The following DHRSX variants were observed in gnomAD, a reference collection of about 807,000 sequenced individuals.
DHRSX encodes the protein polyprenol dehydrogenase.
A neutral mutation model predicts 34.0 loss-of-function variants in DHRSX; 31 were observed. That is an observed-to-expected ratio of 0.91 (90% CI 0.69 to 1.23). DHRSX has a LOEUF of 1.23. DHRSX is among the 50% of genes most tolerant of loss of function. The pLI is 0.00. For missense variants in DHRSX, 414 were observed against 428.1 expected (o/e 0.97, Z 0.29); for synonymous variants, 201 against 183.8 (o/e 1.09, Z -0.76).
chrX:2,319,527 A>G (rs1347404242), intron 3 of DHRSX, among the ~76,000 whole-genome samples: 1 of 125,096 alleles, frequency 8.0e-6, no homozygotes, highest in African/African-American at 3.2e-5. Flanking sequence ...TCGGTGACAG[A>G]GTGAGACTCC....
chrX:2,301,354 C>T (rs1427313929), intron 3 of DHRSX, among the ~76,000 whole-genome samples: 1 of 151,722 alleles, frequency 6.6e-6, no homozygotes, highest in African/African-American at 2.4e-5. Flanking sequence ...GCGGAGGTTG[C>T]AGTGAGCCGA....
At chrX:2,251,869 A>G (rs771049741) in intron 5 of DHRSX, among the ~76,000 whole-genome samples, 1 of 152,114 alleles carries the variant, frequency 6.6e-6, no homozygotes, top group East Asian at 1.9e-4. Flanking sequence ...AAAATAATGA[A>G]CAATCAAAAC....
At chrX:2,451,306 AC>A (rs2044214161) in intron 1 of DHRSX, among the ~76,000 whole-genome samples, 1 of 150,862 alleles carries the variant, frequency 6.6e-6, no homozygotes, top group African/African-American at 2.4e-5. Flanking sequence ...AGCCCCTTCC[AC>A]CCTGGGCCCT....
intron 4 of DHRSX, 45 bp from the exon 5 acceptor site, chrX:2,266,992 G>A (rs2041483978): frequency 1.2e-5 from 19 of 1,595,174 alleles, no homozygotes; most frequent in Non-Finnish European, 1.6e-5. Context: ...GGGGAAGACA[G>A]TGGAGAAATC....
At chrX:2,239,796 A>T (rs1175765117) in intron 6 of DHRSX, among the ~76,000 whole-genome samples, 1 of 151,912 alleles carries the variant, frequency 6.6e-6, no homozygotes, top group East Asian at 1.9e-4. Flanking sequence ...TAAATAAAAT[A>T]AAAAAACAGC....
chrX:2,271,487 C>T (rs1269313173), intron 4 of DHRSX, among the ~76,000 whole-genome samples: 3 of 152,186 alleles, frequency 2.0e-5, no homozygotes, highest in Non-Finnish European at 4.4e-5. Flanking sequence ...ACTTTCCAGC[C>T]AGACTCAGTG....
chrX:2,264,897 G>A (rs192819492), intron 5 of DHRSX, among the ~76,000 whole-genome samples: 3,163 of 92,036 alleles, frequency 0.034, 84 homozygotes, highest in African/African-American at 0.15. Context: ...CCAATGTGCA[G>A]CAAATGCGGG....
intron 5 of DHRSX, among the ~76,000 whole-genome samples, chrX:2,245,732 C>A (rs1414878699): frequency 6.8e-6 from 1 of 146,114 alleles, no homozygotes; most frequent in African/African-American, 2.5e-5. Flanking sequence ...CCAAGGCGGG[C>A]GGATCACAAG....
At chrX:2,304,257 ATGGGTGGGTGGG>A (rs1177071816) in intron 3 of DHRSX, among the ~76,000 whole-genome samples, 1 of 105,288 alleles carries the variant, frequency 9.5e-6, no homozygotes, top group Non-Finnish European at 1.9e-5. Flanking sequence ...GGATGGATGG[ATGGGTGGGTGGG>A]TGGATGGATG....
chrX:2,425,206 C>G lies in DHRSX; in HGVS notation c.208G>C (p.Val70Leu). The G allele has an allele frequency of 6.2e-7, 1 of 1,612,102 alleles. No homozygotes were observed. The highest frequency in any genetic ancestry group is 8.5e-7 in the Non-Finnish European group (1 of 1,178,652). Residue 70 changes from valine (V) to leucine (L), a missense_variant, in exon 2 of 7, where the codon GTT (valine) becomes CTT (leucine). By Grantham distance (32) the Val-to-Leu change is conservative (BLOSUM62 1). Coordinates refer to ENST00000334651, the MANE Select transcript of DHRSX (RefSeq NM_145177.3). ...CTGTAAAAGTCATCACCTATGATAA[C>G]ATGCATGCCAAGTCTCGCCAGATGC... ...AKHLARLGMHVIIAGNNDSKA... is the reference protein window; with the variant it reads ...AKHLARLGMHLIIAGNNDSKA...
chrX:2,225,660 G>C (rs1229057099), intron 6 of DHRSX, among the ~76,000 whole-genome samples: 1 of 151,364 alleles, frequency 6.6e-6, no homozygotes, highest in African/African-American at 2.4e-5. Flanking sequence ...TGTGACAGCA[G>C]CCAGAACTGG....
chrX:2,356,323 C>T (rs749588832), intron 3 of DHRSX, among the ~76,000 whole-genome samples: 6 of 152,080 alleles, frequency 3.9e-5, no homozygotes, highest in South Asian at 2.1e-4. Context: ...TGCAGTGAGC[C>T]GTGATCGTGC....
chrX:2,500,900 G>T lies in DHRSX; in HGVS notation c.26C>A (p.Ala9Glu). Residue 9 changes from alanine (A) to glutamate (E), a missense_variant, in exon 1 of 7, where the codon GCG becomes GAG. Coordinates refer to ENST00000334651, the MANE Select transcript of DHRSX (RefSeq NM_145177.3). MSPLSAARAALRVYAVGAA... is the reference protein window; with the variant it reads MSPLSAAREALRVYAVGAA... ...GCCTACCGCGTAGACCCGCAGGGCC[G>T]CCCGCGCCGCAGACAATGGCGACAT... is the stretch of plus-strand genomic sequence containing the variant. The T allele has an allele frequency of 8.9e-7, 1 of 1,126,208 alleles. No individual in the cohort carries two copies. The highest frequency in any genetic ancestry group is 1.1e-6 in the Non-Finnish European group (1 of 917,432). 69.8% of individuals were successfully genotyped at this position (1,126,208 alleles called of 1,614,324 possible).
chrX:2,303,169 C>T (rs1167758038), intron 3 of DHRSX, among the ~76,000 whole-genome samples: 1 of 152,088 alleles, frequency 6.6e-6, no homozygotes, highest in Non-Finnish European at 1.5e-5. Flanking sequence ...ATTTTTCTTG[C>T]TCCTTGAGAA....
At chrX:2,463,376 G>C (rs2044430128) in intron 1 of DHRSX, among the ~76,000 whole-genome samples, 1 of 152,132 alleles carries the variant, frequency 6.6e-6, no homozygotes. Context: ...GTGATGAATG[G>C]AAGCCCCTTC....
intron 1 of DHRSX, among the ~76,000 whole-genome samples, chrX:2,449,978 C>T (rs2044194007): frequency 6.6e-6 from 1 of 151,976 alleles, no homozygotes; most frequent in Non-Finnish European, 1.5e-5. Flanking sequence ...CAAATGCCCC[C>T]CTGCTCTTTT....
intron 3 of DHRSX, among the ~76,000 whole-genome samples, chrX:2,315,521 G>A (rs2042231804): frequency 6.6e-6 from 1 of 152,136 alleles, no homozygotes; most frequent in Non-Finnish European, 1.5e-5. Flanking sequence ...AGCATTAACA[G>A]CTTGAACCTA....
intron 1 of DHRSX, among the ~76,000 whole-genome samples, chrX:2,453,822 A>T (rs1439134224): frequency 6.6e-6 from 1 of 152,196 alleles, no homozygotes; most frequent in Non-Finnish European, 1.5e-5. Context: ...CCACAAAAAA[A>T]ACTAGGTGAG....
intron 3 of DHRSX, among the ~76,000 whole-genome samples, chrX:2,339,989 T>C (rs193054250): frequency 4.9e-4 from 75 of 152,260 alleles, no homozygotes; most frequent in African/African-American, 1.6e-3. Flanking sequence ...CCACCAACAG[T>C]GTAAAACCAT....
Sources: allele counts gnomAD v4.1 joint callset (sites outside exome capture counted in the v4.1 genomes callset), GRCh38; gene constraint gnomAD v4.1.1; transcripts MANE v1.5; gene names NCBI Gene and HGNC (gene_info 2026-07-23, HGNC 2026-07-21).